PPFIA3: variants seen among roughly 807,000 people sequenced by gnomAD.
PPFIA3 encodes the protein liprin-alpha-3.
PPFIA3 carries 26 observed loss-of-function variants against 145.8 expected under a neutral mutation model. The ratio of observed to expected loss-of-function variants is 0.18; its 90% confidence interval spans 0.13 to 0.25. PPFIA3 has a LOEUF of 0.25. Among genes scored for constraint, PPFIA3 ranks in the 10% least tolerant of loss-of-function variants. PPFIA3 has a pLI of 1.00. For missense variants in PPFIA3, 1,008 were observed against 1,587.8 expected, an observed-to-expected ratio of 0.63 and a Z score of 6.21; for synonymous variants, 645 against 661.4, an observed-to-expected ratio of 0.98 and a Z score of 0.38.
At chr19:49,140,639 CTTTTTT>C (rs4002348) in intron 18 of PPFIA3, among the ~76,000 whole-genome samples, 4 of 63,798 alleles carry the variant, frequency 6.3e-5, no homozygotes, top group African/African-American at 3.1e-4. Flanking sequence ...ACTCATTTAC[CTTTTTT>C]TTTTTTTTTT....
chr19:49,140,597 CA>C (rs1258674572), intron 18 of PPFIA3, among the ~76,000 whole-genome samples: 1 of 150,882 alleles, frequency 6.6e-6, no homozygotes, highest in Non-Finnish European at 1.5e-5. Context: ...ATGATCCACC[CA>C]CCTCGGCCTC....
chr19:49,136,763 C>T lies in PPFIA3; in HGVS notation c.1705C>T (p.Pro569Ser), dbSNP rs761459638. The change falls in exon 15 of 30, where the codon CCA (proline) becomes TCA (serine). Residue 569 changes from proline (P) to serine (S), a missense_variant. Physicochemically the swap from Pro to Ser is moderately conservative, Grantham distance 74. Transcript: ENST00000334186. ...TGCCCCTGCGGGCTCCATACCACCC[C>T]CATTCCCTGGGGAACTGGACGGCTC... ...RSAPAGSIPP[P>S]FPGELDGSDE... The T allele has an allele frequency of 7.6e-6, 12 of 1,579,234 alleles. No homozygotes were observed. The East Asian group carries it at 2.7e-4, about 36-fold the overall frequency.
At chr19:49,129,948 G>C (rs763993693) in intron 5 of PPFIA3, 45 bp from the exon 6 acceptor site, 20 of 1,596,720 alleles carry the variant, frequency 1.3e-5, no homozygotes, top group Middle Eastern at 3.6e-4. Flanking sequence ...TAGAGCTGGG[G>C]GTTCAGGGAG....
chr19:49,125,803 G>A (rs2040989574), intron 1 of PPFIA3, among the ~76,000 whole-genome samples: 1 of 152,154 alleles, frequency 6.6e-6, no homozygotes, highest in South Asian at 2.1e-4. Context: ...CCTGGGGTCT[G>A]AGAGACGAAA....
At position 49,148,278 on chromosome 19, in the gene PPFIA3, TG is replaced by T; in HGVS notation, c.3011+24del. ...TCACAGGTGGGGGCTGCCTGGCCAGTGGGGACAGTCCAAAGGGAAGCCCCAC... is the reference window on the plus strand; with the variant it reads ...TCACAGGTGGGGGCTGCCTGGCCAGTGGGACAGTCCAAAGGGAAGCCCCAC... On this transcript the variant is annotated intron_variant, in intron 24 of 29. Transcript: ENST00000334186. 1 of 1,609,696 alleles carries T rather than the reference TG, an allele frequency of 6.2e-7. No homozygotes were observed. The highest frequency in any genetic ancestry group is 1.1e-5 in the South Asian group (1 of 90,400).
In PPFIA3 at chr19:49,130,235, T is replaced by C; in HGVS notation, c.658-143T>C. On this transcript the variant is annotated intron_variant, in intron 6 of 29. Transcript: ENST00000334186. The surrounding 1 kb of genome is among the most constrained non-coding windows in gnomAD (Gnocchi z 4.5). ...GGTCACCTAGCGAACTTCTGTGACCTCCTTCACTGACCCCCGTGGACTCTG... is the reference window on the plus strand; with the variant it reads ...GGTCACCTAGCGAACTTCTGTGACCCCCTTCACTGACCCCCGTGGACTCTG... The C allele has an allele frequency of 8.9e-7, 1 of 1,123,414 alleles. No homozygotes were observed. Among genetic ancestry groups the C allele is most frequent in the East Asian group, 2.6e-5 (1 of 38,582 alleles). The allele number at this position is 1,123,414 out of a possible 1,614,324, so 69.6% of individuals were successfully genotyped here. A position where few individuals can be genotyped will look rare whatever the true frequency, so the allele number is the denominator to read the frequency against.
At chr19:49,132,212 AC>A (rs1283182592) in intron 7 of PPFIA3, among the ~76,000 whole-genome samples, 1 of 150,994 alleles carries the variant, frequency 6.6e-6, no homozygotes, top group South Asian at 2.1e-4. Flanking sequence ...ACATCGTGAA[AC>A]CCCCGTCTCT....
chr19:49,128,898 G>T lies in PPFIA3; in HGVS notation c.393G>T (p.Leu131=), dbSNP rs1354912468. 3 of 1,613,738 alleles carry T rather than the reference G, an allele frequency of 1.9e-6. No homozygotes were observed. The highest frequency in any genetic ancestry group is 1.6e-4 in the Middle Eastern group (1 of 6,084). The change falls in exon 4 of 30, where the codon CTG becomes CTT. Residue 131 remains leucine, a synonymous_variant. Transcript: ENST00000334186. The surrounding 1 kb of genome is among the most constrained non-coding windows in gnomAD (Gnocchi z 4.1). ...TGGTGTCCAGGCACGAGAGGTCACT[G>T]CGCATGACCGTGGTGAAGCGCCAGG... ...ECLVSRHERS[L]RMTVVKRQAQ... is the part of the protein sequence containing the mutation.
At position 49,142,204 on chromosome 19, in the gene PPFIA3, C is replaced by G. The variant is rs917405809; in HGVS notation, c.2544+89C>G. On this transcript the variant is annotated intron_variant, in intron 20 of 29. Coordinates refer to ENST00000334186, the MANE Select transcript of PPFIA3 (RefSeq NM_003660.4). ...GGGCTGCCTGGTCCTCCTGGCGCACCCTGCTTCTAGCCCAGAGGTGGGGGT... is the reference window on the plus strand; with the variant it reads ...GGGCTGCCTGGTCCTCCTGGCGCACGCTGCTTCTAGCCCAGAGGTGGGGGT... The G allele has an allele frequency of 3.1e-6, 4 of 1,273,454 alleles. No homozygotes were observed. The African/African-American group carries it at 6.0e-5, about 19-fold the overall frequency. The allele number at this position is 1,273,454 out of a possible 1,614,324, so 78.9% of individuals were successfully genotyped here.
intron 1 of PPFIA3, among the ~76,000 whole-genome samples, chr19:49,124,658 G>A (rs1054038055): frequency 6.6e-6 from 1 of 152,134 alleles, no homozygotes; most frequent in African/African-American, 2.4e-5. Context: ...AACCTTCTAG[G>A]TTCTATGTCC....
At chr19:49,132,834 G>A (rs1438854154) in intron 7 of PPFIA3, among the ~76,000 whole-genome samples, 167 bp from the exon 8 acceptor site, 1 of 152,168 alleles carries the variant, frequency 6.6e-6, no homozygotes, top group Non-Finnish European at 1.5e-5. Context: ...TAACTCGCAG[G>A]TAGGTGGCAG....
chr19:49,137,755 T>A (rs991115187), intron 15 of PPFIA3, among the ~76,000 whole-genome samples: 1 of 151,292 alleles, frequency 6.6e-6, no homozygotes, highest in Non-Finnish European at 1.5e-5. Flanking sequence ...GTACTCCCCA[T>A]GAGCCTTCGG....
At chr19:49,141,380 C>G (rs1022719791) in intron 18 of PPFIA3, 40 bp from the exon 19 acceptor site, 1 of 1,511,372 alleles carries the variant, frequency 6.6e-7, no homozygotes, top group Non-Finnish European at 9.2e-7. Context: ...TCTGCCTCCC[C>G]CTTGAGATTT....
chr19:49,140,028 C>T lies in PPFIA3; in HGVS notation c.2308C>T (p.Leu770Phe), dbSNP rs1180318394. Residue 770 changes from leucine (L) to phenylalanine (F), a missense_variant, in exon 18 of 30, where the codon CTC (leucine) becomes TTC (phenylalanine). Physicochemically the swap from Leu to Phe is conservative, Grantham distance 22 (BLOSUM62 0). Coordinates refer to ENST00000334186, the MANE Select transcript of PPFIA3 (RefSeq NM_003660.4). ...GAGCATCAAGTCATCCATAGGCCGT[C>T]TCTTTGGCAAGAAAGAGAAGGGACG... The part of the protein sequence containing the change: ...KKSIKSSIGR[L>F]FGKKEKGRMG... 1 of 1,614,084 alleles carries T rather than the reference C, an allele frequency of 6.2e-7. No individual in the cohort carries two copies. Among genetic ancestry groups the T allele is most frequent in the African/African-American group, 1.3e-5 (1 of 74,922 alleles).
At position 49,139,822 on chromosome 19, in the gene PPFIA3, C is replaced by G. The variant is rs761932989; in HGVS notation, c.2231C>G (p.Pro744Arg). The change falls in exon 17 of 30, where the codon CCA becomes CGA. Residue 744 changes from proline to arginine, a missense_variant. Transcript: ENST00000334186. ...GGGTCCCTGGAAGATGGGGGACCCC[C>G]ACGGGGAAGGTCAGCAGGGACAAGG... ...QAGSLEDGGP[P>R]RGSEGTPDSL... The G allele has an allele frequency of 6.2e-7, 1 of 1,610,256 alleles. No homozygotes were observed. The highest frequency in any genetic ancestry group is 1.1e-5 in the South Asian group (1 of 90,744).
Position 49,134,641 on chromosome 19 carries a change from C to T in PPFIA3, c.1380C>T (p.Asn460=), listed in dbSNP as rs371169298. ...KERMGALEEK[N]SLSEEIANMK... ...TCACTTCACCTCTGTCTCCACAGAA[C>T]TCCCTGAGCGAGGAGATAGCCAACA... The change falls in exon 12 of 30, where the codon AAC becomes AAT. Residue 460 remains asparagine, a splice_region_variant and synonymous_variant. Transcript: ENST00000334186. 89 of 1,613,572 alleles carry T rather than the reference C, an allele frequency of 5.5e-5. No individual in the cohort carries two copies. Among genetic ancestry groups the T allele is most frequent in the Non-Finnish European group, 7.3e-5 (86 of 1,179,922 alleles).
intron 5 of PPFIA3, 33 bp from the exon 6 acceptor site, chr19:49,129,960 C>T (rs375027669): frequency 1.9e-6 from 3 of 1,608,226 alleles, no homozygotes; most frequent in African/African-American, 1.3e-5. Context: ...TTCAGGGAGC[C>T]CCTGTGCTCT....
In PPFIA3 at chr19:49,136,914, G is replaced by T; in HGVS notation, c.1853+3G>T. 1 of 1,531,972 alleles carries T rather than the reference G, an allele frequency of 6.5e-7. No individual in the cohort carries two copies. The highest frequency in any genetic ancestry group is 8.8e-7 in the Non-Finnish European group (1 of 1,134,320). The allele number at this position is 1,531,972 out of a possible 1,614,324, so 94.9% of individuals were successfully genotyped here. A position where few individuals can be genotyped will look rare whatever the true frequency, so the allele number is the denominator to read the frequency against. ...GAGGCCATCAACAAGGAGATCAAGT[G>T]AGCCCTGGCCCCGCCCCGGCCTGCC... On this transcript the variant is annotated splice_donor_region_variant and intron_variant, in intron 15 of 29. Coordinates refer to ENST00000334186, the MANE Select transcript of PPFIA3 (RefSeq NM_003660.4).
At chr19:49,134,468 C>T (rs113765465) in intron 11 of PPFIA3, among the ~76,000 whole-genome samples, 171 bp from the exon 12 acceptor site, 1,769 of 152,278 alleles carry the variant, frequency 0.012, 41 homozygotes, top group African/African-American at 0.039. Context: ...CATCCCGGGG[C>T]TTCTCTCCCC....
Sources: allele counts gnomAD v4.1 joint callset (sites outside exome capture counted in the v4.1 genomes callset), GRCh38; gene constraint gnomAD v4.1.1; non-coding constraint Gnocchi (gnomAD v3.1); transcripts MANE v1.5; gene names NCBI Gene and HGNC (gene_info 2026-07-23, HGNC 2026-07-21).